Variants in PNKD observed in about 807,000 individuals in gnomAD.
The protein encoded by PNKD is PNKD metallo-beta-lactamase domain containing, also known as probable thioesterase PNKD.
In PNKD, 36 loss-of-function variants were observed where a neutral mutation model predicts 45.3. The ratio of observed to expected loss-of-function variants is 0.80; its 90% CI spans 0.61 to 1.05. The LOEUF is 1.05. Among genes scored for constraint, PNKD ranks in the 50% least tolerant of loss-of-function variants. The pLI is 0.00. For synonymous variants in PNKD, 197 were observed against 210.1 expected, an observed-to-expected ratio of 0.94 and a Z score of 0.54; for missense variants, 511 against 506.6, an observed-to-expected ratio of 1.01 and a Z score of -0.08.
rs1364069283 is a variant in PNKD at position 218,344,830 on chromosome 2, A to T, written c.1007A>T (p.Glu336Val). 1.2e-6 allele frequency: 2 copies of T among 1,613,732 alleles called. No individual in the cohort carries two copies. The stretch of plus-strand genomic sequence containing the variant: ...CAGTGCCCATCTACCCTGGGAGAGG[A>T]GCGCTCCTACAACCCGTTCCTGAGA... Reference protein sequence around the residue: ...KGTCPSTLGEERSYNPFLRTH... With the variant: ...KGTCPSTLGEVRSYNPFLRTH... Residue 336 changes from glutamate (E) to valine (V), a missense_variant, in exon 10 of 10, where the codon GAG becomes GTG. Physicochemically the swap from Glu to Val is moderately radical, Grantham distance 121. Transcript: ENST00000273077.
chr2:218,303,156 G>A (rs1052758589), intron 2 of PNKD, among the ~76,000 whole-genome samples: 3 of 151,976 alleles, frequency 2.0e-5, no homozygotes, highest in African/African-American at 7.3e-5. Context: ...TGGCCAGGAT[G>A]GTCTTGAACT....
intron 2 of PNKD, among the ~76,000 whole-genome samples, chr2:218,314,222 C>CTTTTT (rs386392656): frequency 0.012 from 840 of 67,726 alleles, 49 homozygotes; most frequent in Middle Eastern, 0.074. Context: ...CGCGCCCTGG[C>CTTTTT]TTTTTTTTTT....
chr2:218,290,612 A>C (rs1692870866), intron 2 of PNKD, among the ~76,000 whole-genome samples: 1 of 152,142 alleles, frequency 6.6e-6, no homozygotes, highest in Admixed American at 6.5e-5. Flanking sequence ...TCCAGCTACC[A>C]CAGAACCAGG....
rs542243636 is a variant in PNKD, at chr2:218,298,650, G to C, written c.236+27101G>C. 4.9e-4 allele frequency among the ~76,000 whole-genome samples: 75 copies of C among 152,244 alleles called. 2 individuals carry two copies. Among genetic ancestry groups the C allele is most frequent in the Non-Finnish European group, 7.4e-5 (5 of 68,016 alleles). On this transcript the variant is annotated intron_variant, in intron 2 of 9. Transcript: ENST00000273077. ...ACAACCTCCTTTCACACTAAGCAGG[G>C]CCTGGAGGGATGAACTTGCCCGAGC...
At chr2:218,284,619 G>A (rs1692353321) in intron 2 of PNKD, among the ~76,000 whole-genome samples, 1 of 152,208 alleles carries the variant, frequency 6.6e-6, no homozygotes, top group African/African-American at 2.4e-5. Flanking sequence ...AGGCCTGCCT[G>A]CACTGCACAC....
intron 2 of PNKD, among the ~76,000 whole-genome samples, chr2:218,335,745 C>A (rs1389388405): frequency 1.3e-5 from 2 of 152,188 alleles, no homozygotes; most frequent in African/African-American, 4.8e-5. Flanking sequence ...AATATAAACC[C>A]ATGGGTACAT....
chr2:218,331,712 TC>T (rs1694326984), intron 2 of PNKD, among the ~76,000 whole-genome samples: 1 of 152,114 alleles, frequency 6.6e-6, no homozygotes, highest in Non-Finnish European at 1.5e-5. Context: ...AGGTGATCCA[TC>T]CACCTCGGCC....
chr2:218,296,135 G>A (rs913880751), intron 2 of PNKD, among the ~76,000 whole-genome samples: 15 of 152,092 alleles, frequency 9.9e-5, no homozygotes, highest in Non-Finnish European at 1.3e-4. Flanking sequence ...GGCATGAGCC[G>A]CTGCGCCCGG....
At chr2:218,298,402 G>A (rs544843693) in intron 2 of PNKD, among the ~76,000 whole-genome samples, 1 of 152,288 alleles carries the variant, frequency 6.6e-6, no homozygotes, top group Admixed American at 6.5e-5. Context: ...AGACAGTCCT[G>A]GGTTTGAATC....
intron 2 of PNKD, among the ~76,000 whole-genome samples, chr2:218,283,740 G>C (rs548273737): frequency 3.9e-5 from 6 of 152,204 alleles, no homozygotes; most frequent in Non-Finnish European, 8.8e-5. Context: ...TCAGAGAGGG[G>C]AAGGTGGCAG....
At chr2:218,283,850 C>A (rs1032714693) in intron 2 of PNKD, among the ~76,000 whole-genome samples, 4 of 151,942 alleles carry the variant, frequency 2.6e-5, no homozygotes, top group African/African-American at 9.7e-5. Context: ...TGGGATAGAA[C>A]CAGGGCAAGA....
intron 2 of PNKD, among the ~76,000 whole-genome samples, chr2:218,300,058 C>T (rs768986548): frequency 6.8e-4 from 104 of 152,212 alleles, no homozygotes; most frequent in Non-Finnish European, 1.2e-3. Context: ...CGCCTGACCA[C>T]CACCTCTTTC....
At chr2:218,327,962 GAAAAAA>G (rs72151766) in intron 2 of PNKD, 107 of 122,480 alleles carry the variant, frequency 8.7e-4, no homozygotes, top group African/African-American at 3.6e-3. Context: ...AACTCCATCT[GAAAAAA>G]AAAAAAAAAA....
rs762190613 is a variant in PNKD at position 218,342,103 on chromosome 2, C to T, written c.740C>T (p.Ser247Phe). The stretch of plus-strand genomic sequence containing the variant: ...GATGGGGAGCCCTACAAGGGTCCCT[C>T]CTGCCTCTTCTCAGGGGACCTGCTC... ...LLDGEPYKGPSCLFSGDLLFL... is the reference protein window; with the variant it reads ...LLDGEPYKGPFCLFSGDLLFL... Residue 247 changes from serine (S) to phenylalanine (F), a missense_variant, in exon 7 of 10, where the codon TCC becomes TTC. Transcript: ENST00000273077. 2 of 1,613,858 alleles carry T rather than the reference C, an allele frequency of 1.2e-6. No individual in the cohort carries two copies. Among genetic ancestry groups the T allele is most frequent in the Non-Finnish European group, 1.7e-6 (2 of 1,179,832 alleles).
chr2:218,280,874 T>A (rs1391812950), intron 2 of PNKD: 1 of 143,422 alleles, frequency 7.0e-6, no homozygotes, highest in East Asian at 2.0e-4. Flanking sequence ...TGCAAAGGCG[T>A]GATCTCGGCT....
rs565674322 is a variant in PNKD at position 218,272,801 on chromosome 2, C to T, written c.236+1252C>T. 1.9e-6 allele frequency: 3 copies of T among 1,613,598 alleles called. No individual in the cohort carries two copies. The Admixed American group carries it at 5.0e-5, about 27-fold the overall frequency. ...CCTCCTAGGCTATTGACTGTTAAGTCCTCAGGTTTGGCCCAGATTCCAGTT... is the reference window on the plus strand; with the variant it reads ...CCTCCTAGGCTATTGACTGTTAAGTTCTCAGGTTTGGCCCAGATTCCAGTT... On this transcript the variant is annotated intron_variant, in intron 2 of 9. Transcript: ENST00000273077.
chr2:218,275,673 C>A, intron 2 of PNKD: 1 of 1,576,668 alleles, frequency 6.3e-7, no homozygotes, highest in South Asian at 1.2e-5. Context: ...GTGTCCAGAG[C>A]TCATTTTTGG....
chr2:218,329,408 C>T (rs1374795297), intron 2 of PNKD, among the ~76,000 whole-genome samples: 1 of 152,234 alleles, frequency 6.6e-6, no homozygotes, highest in Non-Finnish European at 1.5e-5. Flanking sequence ...AAGCCCAGAG[C>T]CCTTGGCGGG....
At chr2:218,283,822 TC>T (rs1692258048) in intron 2 of PNKD, among the ~76,000 whole-genome samples, 2 of 152,112 alleles carry the variant, frequency 1.3e-5, no homozygotes, top group African/African-American at 4.8e-5. Flanking sequence ...AAGCTGTTCT[TC>T]ATCTCCCTAG....
Sources: allele counts gnomAD v4.1 joint callset (sites outside exome capture counted in the v4.1 genomes callset), GRCh38; gene constraint gnomAD v4.1.1; transcripts MANE v1.5; gene names NCBI Gene and HGNC (gene_info 2026-07-23, HGNC 2026-07-21).